COG6: variants seen among roughly 807,000 people sequenced by gnomAD.
COG6 encodes the protein component of oligomeric golgi complex 6, also known as conserved oligomeric Golgi complex subunit 6.
COG6 carries 74 observed loss-of-function variants against 88.8 expected under a neutral mutation model. The ratio of observed to expected loss-of-function variants is 0.83; its 90% CI spans 0.69 to 1.01. The LOEUF is 1.01. COG6 is among the 50% of genes least tolerant of loss of function. COG6 has a pLI of 0.00. For missense variants in COG6, 800 were observed against 797.9 expected (o/e 1.00, Z -0.03); for synonymous variants, 286 against 278.7 (o/e 1.03, Z -0.26).
chr13:39,752,662 A>G (rs1880703778), downstream of COG6: 13 of 1,225,514 alleles, frequency 1.1e-5, no homozygotes, highest in South Asian at 4.4e-5. Context: ...TGTCCTGTAG[A>G]TATATATCCT....
chr13:39,719,629 A>C, intron 14 of COG6, 31 bp from the exon 15 acceptor site: 1 of 1,592,974 alleles, frequency 6.3e-7, no homozygotes, highest in Non-Finnish European at 8.6e-7. Flanking sequence ...TGATTGAGAA[A>C]TAAAGAGTTC....
intron 3 of COG6, among the ~76,000 whole-genome samples, chr13:39,661,510 A>G (rs1472864379): frequency 6.6e-6 from 1 of 152,218 alleles, no homozygotes; most frequent in Admixed American, 6.5e-5. Flanking sequence ...GATTCTAGGA[A>G]GAATCATTAA....
chr13:39,683,688 A>G (rs533689515), intron 8 of COG6, among the ~76,000 whole-genome samples: 6 of 152,278 alleles, frequency 3.9e-5, no homozygotes, highest in African/African-American at 1.2e-4. Flanking sequence ...GTTTGATTTT[A>G]ACAGCTGTTG....
At chr13:39,675,857 A>G (rs1875934971) in intron 4 of COG6, among the ~76,000 whole-genome samples, 1 of 152,140 alleles carries the variant, frequency 6.6e-6, no homozygotes, top group East Asian at 1.9e-4. Flanking sequence ...TCTTAATGAT[A>G]ATGACTGGAA....
chr13:39,765,584 G>C (rs1242511656), intron 18 of COG6, among the ~76,000 whole-genome samples: 1 of 152,068 alleles, frequency 6.6e-6, no homozygotes, highest in Non-Finnish European at 1.5e-5. Flanking sequence ...TTGATTTCCA[G>C]CTTTTGGTGT....
Position 39,751,942 on chromosome 13 carries a change from T to A in COG6, c.*849T>A. 1 of 1,222,642 alleles carries A rather than the reference T, an allele frequency of 8.2e-7. No homozygotes were observed. Among genetic ancestry groups the A allele is most frequent in the Non-Finnish European group, 1.1e-6 (1 of 930,004 alleles). The allele number at this position is 1,222,642 out of a possible 1,614,324, so 75.7% of individuals were successfully genotyped here. On this transcript the variant is annotated 3_prime_UTR_variant, in exon 19 of 19. Transcript: ENST00000455146. Reference sequence around the variant, plus strand: ...TAAATCCAACCAACTACACATTTTATCTGGTGTTCAAACCAAAGAAACAAT... The same window carrying A: ...TAAATCCAACCAACTACACATTTTAACTGGTGTTCAAACCAAAGAAACAAT...
At chr13:39,759,794 A>G (rs1207190165) in intron 18 of COG6, among the ~76,000 whole-genome samples, 1 of 152,196 alleles carries the variant, frequency 6.6e-6, no homozygotes, top group Non-Finnish European at 1.5e-5. Flanking sequence ...GTTAAAAGTA[A>G]AACTTTCTTA....
chr13:39,709,499 A>G (rs1593441562), intron 13 of COG6, among the ~76,000 whole-genome samples: 1 of 125,524 alleles, frequency 8.0e-6, no homozygotes, highest in Admixed American at 1.1e-4. Flanking sequence ...CTCTGTGTCC[A>G]TGTGTACACA....
At chr13:39,656,800 C>T (rs1440526870) in intron 1 of COG6, 1 of 455,810 alleles carries the variant, frequency 2.2e-6, no homozygotes, top group South Asian at 1.6e-5. Context: ...GAGTAAGTCC[C>T]TTCACTAATC....
chr13:39,691,365 A>G (rs975271888), intron 11 of COG6, among the ~76,000 whole-genome samples: 12 of 151,952 alleles, frequency 7.9e-5, no homozygotes, highest in African/African-American at 2.9e-4. Flanking sequence ...CATACCCAGA[A>G]AGATCTTTAT....
At chr13:39,699,652 G>T in intron 13 of COG6, 34 bp downstream of exon 13, 1 of 950,014 alleles carries the variant, frequency 1.1e-6, no homozygotes, top group South Asian at 1.3e-5. Context: ...TAAATTATGT[G>T]AATGTTTCAC....
At chr13:39,673,706 G>T (rs1875787157) in intron 4 of COG6, among the ~76,000 whole-genome samples, 1 of 151,712 alleles carries the variant, frequency 6.6e-6, no homozygotes, top group Non-Finnish European at 1.5e-5. Flanking sequence ...TAAATCTATT[G>T]TATAAAATTT....
At chr13:39,696,558 A>T (rs957386933) in intron 12 of COG6, among the ~76,000 whole-genome samples, 10 of 151,722 alleles carry the variant, frequency 6.6e-5, no homozygotes, top group Admixed American at 5.9e-4. Flanking sequence ...TGAAGCTAGG[A>T]AAAGCTTGCA....
chr13:39,727,442 TA>T, intron 17 of COG6, 26 bp from the exon 18 acceptor site: 1 of 1,537,172 alleles, frequency 6.5e-7, no homozygotes, highest in Non-Finnish European at 9.0e-7. Context: ...ATGTACTTTA[TA>T]TTTTGTATTT....
At chr13:39,669,203 G>A (rs1875468677) in intron 4 of COG6, among the ~76,000 whole-genome samples, 1 of 152,156 alleles carries the variant, frequency 6.6e-6, no homozygotes, top group South Asian at 2.1e-4. Flanking sequence ...AAATTAGATT[G>A]CATTTTATAA....
chr13:39,741,862 G>A lies in COG6; in HGVS notation c.1827-9084G>A, dbSNP rs1473063986. Among the ~76,000 whole-genome samples, 4 of 152,066 alleles carry A rather than the reference G, an allele frequency of 2.6e-5. No homozygotes were observed. The East Asian group carries it at 5.8e-4, about 22-fold the overall frequency. Reference sequence around the variant, plus strand: ...TTAAGAGCAGCCAGAGAGAAAGGTCGGGTTACCCACAAAGGGAAGCCCATC... The same window carrying A: ...TTAAGAGCAGCCAGAGAGAAAGGTCAGGTTACCCACAAAGGGAAGCCCATC... On this transcript the variant is annotated intron_variant, in intron 18 of 18. Transcript: ENST00000455146.
chr13:39,696,497 C>A (rs1877281742), intron 12 of COG6, among the ~76,000 whole-genome samples: 1 of 151,632 alleles, frequency 6.6e-6, no homozygotes, highest in Non-Finnish European at 1.5e-5. Context: ...AGGAGTTGGG[C>A]ATGAAAAGAT....
intron 18 of COG6, among the ~76,000 whole-genome samples, chr13:39,784,134 T>C: frequency 6.6e-6 from 1 of 152,164 alleles, no homozygotes; most frequent in East Asian, 1.9e-4. Context: ...GAGAAGGCTG[T>C]GCCTGGAAAA....
intron 18 of COG6, among the ~76,000 whole-genome samples, chr13:39,738,725 A>T (rs895082848): frequency 1.3e-5 from 2 of 152,180 alleles, no homozygotes; most frequent in Non-Finnish European, 2.9e-5. Context: ...GCAAGCACTA[A>T]TCCTAAAGCT....
Sources: gnomAD v4.1 joint callset for allele counts (sites outside exome capture counted in the v4.1 genomes callset) on GRCh38, gnomAD v4.1.1 for gene constraint, MANE v1.5 for transcripts, NCBI Gene and HGNC (gene_info 2026-07-23, HGNC 2026-07-21) for gene names.